Variants in SLC16A6 observed in about 807,000 individuals in gnomAD.
The protein encoded by SLC16A6 is monocarboxylate transporter 7.
SLC16A6 carries 15 observed loss-of-function variants against 33.8 expected under a neutral mutation model. The observed-to-expected ratio is 0.44, with a 90% CI of 0.30 to 0.68. SLC16A6 has a LOEUF of 0.68. SLC16A6 is among the 30% of genes least tolerant of loss of function. SLC16A6 has a pLI of 0.10. For missense variants in SLC16A6, 451 were observed against 661.5 expected, an observed-to-expected ratio of 0.68 and a Z score of 3.49; for synonymous variants, 219 against 248.4, an observed-to-expected ratio of 0.88 and a Z score of 1.11.
At position 68,271,269 on chromosome 17, in the gene SLC16A6, A is replaced by C; in HGVS notation, c.891T>G (p.Tyr297Ter). ...GTGTTGCAAAGAGACCAAATAATGC[A>C]TAACAAATAAAACTTTTCTCTTTCA... ...SILKEKSFIC[Y>*]ALFGLFATLG... The change falls in exon 5 of 6, where the codon TAT (tyrosine) becomes TAG (stop). Residue 297 changes from tyrosine (Y) to a stop codon, truncating the protein, a stop_gained. Coordinates refer to ENST00000580666, the MANE Select transcript of SLC16A6 (RefSeq NM_004694.5). LOFTEE classifies it high-confidence loss of function. This position sits in a 1 kb window ranked among gnomAD's most constrained non-coding sequence, Gnocchi z 5.3. 1 of 1,614,242 alleles carries C rather than the reference A, an allele frequency of 6.2e-7. No individual in the cohort carries two copies. The highest frequency in any genetic ancestry group is 1.1e-5 in the South Asian group (1 of 91,086).
In SLC16A6 at chr17:68,280,163, T is replaced by C. The variant is rs542128209; in HGVS notation, c.-7-1836A>G. 1.3e-4 allele frequency among the ~76,000 whole-genome samples: 15 copies of C among 116,608 alleles called. No homozygotes were observed. In the East Asian group the frequency reaches 2.3e-3, roughly 18 times the overall value. The allele number at this position is 116,608 out of a possible 152,430, so 76.5% of individuals were successfully genotyped here. A position where few individuals can be genotyped will look rare whatever the true frequency, so the allele number is the denominator to read the frequency against. On this transcript the variant is annotated intron_variant, in intron 1 of 5. Coordinates refer to ENST00000580666, the MANE Select transcript of SLC16A6 (RefSeq NM_004694.5). ...CACCACTGCACTCCAGCCTGGGCAA[T>C]AGAGCAACTCTGTCTCAAAAAAAAA...
At position 68,281,396 on chromosome 17, in the gene SLC16A6, G is replaced by A. The variant is rs148522455; in HGVS notation, c.-7-3069C>T. ...ATCCTGGCCAACATAGTGAAATCCC[G>A]TCTCTACTAAAAATACAAAAATTAG... On this transcript the variant is annotated intron_variant, in intron 1 of 5. Coordinates refer to ENST00000580666, the MANE Select transcript of SLC16A6 (RefSeq NM_004694.5). 3.8e-3 allele frequency among the ~76,000 whole-genome samples: 581 copies of A among 151,826 alleles called. 6 individuals carry two copies. Among genetic ancestry groups the A allele is most frequent in the African/African-American group, 0.013 (544 of 41,382 alleles).
chr17:68,287,014 G>T (rs540273984), intron 1 of SLC16A6, among the ~76,000 whole-genome samples: 13 of 151,978 alleles, frequency 8.6e-5, no homozygotes, highest in African/African-American at 3.1e-4. Flanking sequence ...ATGGAGTTTC[G>T]CTCTTGTTGC....
Position 68,268,953 on chromosome 17 carries a change from G to A in SLC16A6, c.*143C>T, listed in dbSNP as rs1599482283. 28 of 1,464,168 alleles carry A rather than the reference G, an allele frequency of 1.9e-5. No individual in the cohort carries two copies. Among genetic ancestry groups the A allele is most frequent in the Non-Finnish European group, 2.5e-5 (27 of 1,090,004 alleles). The allele number at this position is 1,464,168 out of a possible 1,614,324, so 90.7% of individuals were successfully genotyped here. A position where few individuals can be genotyped will look rare whatever the true frequency, so the allele number is the denominator to read the frequency against. ...AAACAAAACAAAAGCGATGTTGGTA[G>A]TGCTCTTCACATACACATTCCCTTT... On this transcript the variant is annotated 3_prime_UTR_variant, in exon 6 of 6. Transcript: ENST00000580666.
intron 3 of SLC16A6, 169 bp downstream of exon 3, chr17:68,273,758 C>T (rs2075419355): frequency 1.5e-6 from 1 of 646,220 alleles, no homozygotes; most frequent in Non-Finnish European, 2.5e-6. Context: ...TTCCCAGGTC[C>T]CCTGAAGTCC....
At chr17:68,291,282 A>T (rs538361672), upstream of SLC16A6, 4 of 136,358 alleles carry the variant, frequency 2.9e-5, no homozygotes, top group African/African-American at 1.1e-4. Flanking sequence ...CGACTCGGGC[A>T]CCCGAGCCAC....
rs1279898432 is a variant in SLC16A6, at chr17:68,278,264, A to G, written c.57T>C (p.Pro19=). The G allele has an allele frequency of 3.7e-6, 6 of 1,614,086 alleles. No homozygotes were observed. The African/African-American group carries it at 4.0e-5, about 11-fold the overall frequency. ...CTACCGCCCAGCCCCATCCTCCATC[A>G]GGCACTTCAGTATACACATTGGCTT... ...CSKANVYTEV[P]DGGWGWAVAV... is the part of the protein sequence containing the mutation. The change falls in exon 2 of 6, where the codon CCT becomes CCC. Residue 19 remains proline, a synonymous_variant. Coordinates refer to ENST00000580666, the MANE Select transcript of SLC16A6 (RefSeq NM_004694.5).
chr17:68,279,012 T>C (rs1376394152), intron 1 of SLC16A6, among the ~76,000 whole-genome samples: 1 of 152,168 alleles, frequency 6.6e-6, no homozygotes, highest in African/African-American at 2.4e-5. Flanking sequence ...GTATTGTACA[T>C]GGGGCCTCCC....
intron 1 of SLC16A6, among the ~76,000 whole-genome samples, chr17:68,289,588 G>C (rs182935492): frequency 8.3e-4 from 127 of 152,202 alleles, no homozygotes; most frequent in Admixed American, 3.2e-3. Flanking sequence ...GTTGTTTCTG[G>C]CCCAAGTTGT....
chr17:68,274,165 T>C, intron 2 of SLC16A6, 95 bp from the exon 3 acceptor site: 3 of 1,339,310 alleles, frequency 2.2e-6, no homozygotes, highest in Non-Finnish European at 3.1e-6. Context: ...CATGGAGAGA[T>C]GATGTCGAAT....
rs2075432647 is a variant in SLC16A6, at chr17:68,274,085, C to T, written c.233-15G>A. The T allele has an allele frequency of 1.2e-6, 2 of 1,608,408 alleles. No individual in the cohort carries two copies. Among genetic ancestry groups the T allele is most frequent in the East Asian group, 2.2e-5 (1 of 44,750 alleles). On this transcript the variant is annotated splice_polypyrimidine_tract_variant and intron_variant, in intron 2 of 5. Coordinates refer to ENST00000580666, the MANE Select transcript of SLC16A6 (RefSeq NM_004694.5). ...GGCGAGGGGAGCTGCCGGGAAAGAA[C>T]AAAACGATATTTTAACTCACAGAGG...
chr17:68,281,804 A>G (rs2075704399), intron 1 of SLC16A6, among the ~76,000 whole-genome samples: 2 of 152,086 alleles, frequency 1.3e-5, no homozygotes, highest in South Asian at 4.1e-4. Context: ...ACTCTTATAC[A>G]CTGTCGGTGG....
At chr17:68,290,360 G>C (rs1032574152) in intron 1 of SLC16A6, among the ~76,000 whole-genome samples, 19 of 152,352 alleles carry the variant, frequency 1.2e-4, no homozygotes, top group Middle Eastern at 3.4e-3. Context: ...AACCTAGAAG[G>C]AAATAACCCA....
rs1403803967 is a variant in SLC16A6 at position 68,267,369 on chromosome 17, G to C, written c.*1727C>G. On this transcript the variant is annotated 3_prime_UTR_variant, in exon 6 of 6. Coordinates refer to ENST00000580666, the MANE Select transcript of SLC16A6 (RefSeq NM_004694.5). ...CTACATCCACCTTGTTTTAGATTAT[G>C]CCTGTTTTTGACAGACACTTTGTCA... is the stretch of plus-strand genomic sequence containing the variant. 2 of 152,166 alleles carry C rather than the reference G, an allele frequency of 1.3e-5. No individual in the cohort carries two copies. The highest frequency in any genetic ancestry group is 4.8e-5 in the African/African-American group (2 of 41,430). 9.4% of individuals were successfully genotyped at this position (152,166 alleles called of 1,614,324 possible).
chr17:68,274,442 G>C lies in SLC16A6; in HGVS notation c.233-372C>G, dbSNP rs1454361848. On this transcript the variant is annotated intron_variant, in intron 2 of 5. Coordinates refer to ENST00000580666, the MANE Select transcript of SLC16A6 (RefSeq NM_004694.5). ...GATTGCACCACTGCACTCCATACTG[G>C]GTGACAGAGTGAGACCCTGTCTCAA... 3.0e-5 allele frequency: 5 copies of C among 163,950 alleles called. No individual in the cohort carries two copies. The South Asian group carries it at 7.1e-4, about 23-fold the overall frequency. 10.2% of individuals were successfully genotyped at this position (163,950 alleles called of 1,614,324 possible).
At chr17:68,284,040 G>A (rs1247932981) in intron 1 of SLC16A6, among the ~76,000 whole-genome samples, 12 of 147,574 alleles carry the variant, frequency 8.1e-5, no homozygotes, top group African/African-American at 2.8e-4. Flanking sequence ...GCAGTGAGCC[G>A]AGGTCACACC....
intron 1 of SLC16A6, among the ~76,000 whole-genome samples, chr17:68,284,441 A>G (rs1371978829): frequency 1.3e-5 from 2 of 152,214 alleles, no homozygotes; most frequent in Non-Finnish European, 2.9e-5. Flanking sequence ...AAAATTCTTT[A>G]CAATTATACA....
rs2075202177 is a variant in SLC16A6, at chr17:68,267,765, AAAAC to A, written c.*1327_*1330del. ...GTGACTCCAAAAAAAAAGGAAGAAT[AAAAC>A]AAACAAAACAAAACAATGACCAGTT... On this transcript the variant is annotated 3_prime_UTR_variant, in exon 6 of 6. Transcript: ENST00000580666. 1 of 152,236 alleles carries A rather than the reference AAAAC, an allele frequency of 6.6e-6. No individual in the cohort carries two copies. Among genetic ancestry groups the A allele is most frequent in the African/African-American group, 2.4e-5 (1 of 41,464 alleles). 9.4% of individuals were successfully genotyped at this position (152,236 alleles called of 1,614,324 possible).
At chr17:68,274,118 G>A in intron 2 of SLC16A6, 48 bp from the exon 3 acceptor site, 1 of 1,589,576 alleles carries the variant, frequency 6.3e-7, no homozygotes, top group South Asian at 1.1e-5. Flanking sequence ...AGGCTTCAGG[G>A]TTAGCTGCCA....
Sources: allele counts gnomAD v4.1 joint callset (sites outside exome capture counted in the v4.1 genomes callset), GRCh38; gene constraint gnomAD v4.1.1; non-coding constraint Gnocchi (gnomAD v3.1); transcripts MANE v1.5; gene names NCBI Gene and HGNC (gene_info 2026-07-23, HGNC 2026-07-21).